The following FBN3 variants were observed in gnomAD, a reference collection of about 807,000 sequenced individuals.
FBN3 encodes fibrillin-3.
In FBN3, 234 loss-of-function variants were observed where a neutral mutation model predicts 330.1. The observed-to-expected ratio is 0.71, with a 90% CI of 0.64 to 0.79. FBN3 has a LOEUF of 0.79. Ranked by LOEUF, FBN3 falls within the 30% of genes least tolerant of loss-of-function variation. The probability of loss-of-function intolerance (pLI) is 0.00; values close to 1 mark genes in which losing one functional copy is unlikely to be tolerated. For synonymous variants in FBN3, 1,458 were observed against 1,517.3 expected (o/e 0.96, Z 0.91); for missense variants, 3,606 against 3,886.9 (o/e 0.93, Z 1.92).
At position 8,073,185 on chromosome 19, in the gene FBN3, G is replaced by C; in HGVS notation, c.7815C>G (p.Leu2605=). 2 of 1,613,978 alleles carry C rather than the reference G, an allele frequency of 1.2e-6. No homozygotes were observed. Among genetic ancestry groups the C allele is most frequent in the Non-Finnish European group, 1.7e-6 (2 of 1,179,982 alleles). ...ACTCATCCACCTCCTGGCAGCCCCC[G>C]AGGGCCTGATCAAAGTCAAAGCCAG... ...CPSGFDFDQA[L]GGCQEVDECA... The change falls in exon 62 of 64, where the codon CTC becomes CTG. Residue 2605 remains leucine, a synonymous_variant. Transcript: ENST00000600128.
At chr19:8,148,055 C>A (rs759605650) in intron 1 of FBN3, among the ~76,000 whole-genome samples, 1 of 151,944 alleles carries the variant, frequency 6.6e-6, no homozygotes, top group Non-Finnish European at 1.5e-5. Flanking sequence ...CTAGCTGGGA[C>A]GGTGGAGCCC....
rs529082101 is a variant in FBN3 at position 8,077,055 on chromosome 19, C to T, written c.7454-1644G>A. On this transcript the variant is annotated intron_variant, in intron 59 of 63. Transcript: ENST00000600128. The stretch of plus-strand genomic sequence containing the variant: ...CTGGGATTACAGGTGCAAACCACTG[C>T]GCCCGGCCCAGTTTTTGGATTTGAA... 5.3e-5 allele frequency among the ~76,000 whole-genome samples: 8 copies of T among 152,208 alleles called. No homozygotes were observed. The South Asian group carries it at 8.3e-4, about 16-fold the overall frequency.
intron 26 of FBN3, 93 bp downstream of exon 26, chr19:8,118,804 C>G: frequency 2.0e-6 from 3 of 1,482,736 alleles, no homozygotes; most frequent in Non-Finnish European, 1.9e-6. Flanking sequence ...CATGCCCACC[C>G]TCTCACTCAT....
At chr19:8,091,361 G>A (rs2082089894) in intron 48 of FBN3, 104 bp downstream of exon 48, 5 of 1,441,742 alleles carry the variant, frequency 3.5e-6, no homozygotes, top group Non-Finnish European at 4.7e-6. Context: ...CCTGGTCAGA[G>A]CTCCCAAAGG....
At chr19:8,089,706 C>T in intron 50 of FBN3, 36 bp from the exon 51 acceptor site, 1 of 1,611,186 alleles carries the variant, frequency 6.2e-7, no homozygotes, top group Non-Finnish European at 8.5e-7. Context: ...TGGCTTCTGT[C>T]ACCACACAAT....
chr19:8,104,323 T>A (rs1412345901), intron 38 of FBN3, among the ~76,000 whole-genome samples: 1 of 150,580 alleles, frequency 6.6e-6, no homozygotes, highest in African/African-American at 2.4e-5. Context: ...AATGAAAATT[T>A]AGCTGGGCAT....
At chr19:8,134,248 A>G (rs2083224982) in intron 13 of FBN3, among the ~76,000 whole-genome samples, 1 of 25,554 alleles carries the variant, frequency 3.9e-5, no homozygotes, top group Non-Finnish European at 7.1e-5. Flanking sequence ...TCTCAAAATA[A>G]ATAAATAAAT....
intron 57 of FBN3, among the ~76,000 whole-genome samples, chr19:8,082,619 G>A (rs10404241): frequency 0.084 from 12,823 of 151,770 alleles, 906 homozygotes; most frequent in African/African-American, 0.19. Flanking sequence ...TCAGCCTCCC[G>A]CGTAGCTGGG....
chr19:8,118,814 T>A, intron 26 of FBN3, 83 bp downstream of exon 26: 2 of 1,527,338 alleles, frequency 1.3e-6, no homozygotes, highest in African/African-American at 1.4e-5. Context: ...CTCTCACTCA[T>A]CCAGCCCACA....
intron 38 of FBN3, among the ~76,000 whole-genome samples, chr19:8,104,653 A>G (rs925821785): frequency 6.6e-6 from 1 of 152,046 alleles, no homozygotes; most frequent in African/African-American, 2.4e-5. Flanking sequence ...GGGGAAAAAA[A>G]TTGATTCTCA....
chr19:8,111,496 G>T (rs987936816), intron 32 of FBN3, 152 bp downstream of exon 32: 4 of 893,080 alleles, frequency 4.5e-6, no homozygotes, highest in Non-Finnish European at 6.7e-6. Flanking sequence ...CCGCAGCACC[G>T]CCTGGGCCGA....
Position 8,119,039 on chromosome 19 carries a change from A to T in FBN3, c.3212-17T>A. ...CGTCCACGTCTGAAGGTTTGTGTGG[A>T]AAGAGAGAGCAGGCATGAAGGTGCT... On this transcript the variant is annotated splice_polypyrimidine_tract_variant and intron_variant, in intron 25 of 63. Coordinates refer to ENST00000600128, the MANE Select transcript of FBN3 (RefSeq NM_032447.5). 1 of 1,587,054 alleles carries T rather than the reference A, an allele frequency of 6.3e-7. No individual in the cohort carries two copies. The highest frequency in any genetic ancestry group is 2.3e-5 in the East Asian group (1 of 44,158).
rs561965645 is a variant in FBN3 at position 8,123,449 on chromosome 19, A to C, written c.3082+15T>G. On this transcript the variant is annotated intron_variant, in intron 24 of 63. Coordinates refer to ENST00000600128, the MANE Select transcript of FBN3 (RefSeq NM_032447.5). ...AAGGATCACGCTCTCTCCAAGAGGC[A>C]GAGGTGGCACCTACCTGTGCAGTTC... 9 of 1,612,556 alleles carry C rather than the reference A, an allele frequency of 5.6e-6. No homozygotes were observed. In the African/African-American group the frequency reaches 1.2e-4, roughly 21 times the overall value.
rs749305990 is a variant in FBN3, at chr19:8,102,767, C to T, written c.5046G>A (p.Gln1682=). Residue 1682 remains glutamine, a synonymous_variant, in exon 40 of 64, where the codon CAG becomes CAA. Transcript: ENST00000600128. ...KMCCCSYNIG[Q]AWNRPCEACP... ...AGGCCTCACAGGGTCTATTCCAGGC[C>T]TGGCCAATGTTGTAGGAGCAGCAAC... The T allele has an allele frequency of 1.2e-6, 2 of 1,614,098 alleles. No individual in the cohort carries two copies. Among genetic ancestry groups the T allele is most frequent in the African/African-American group, 1.3e-5 (1 of 75,032 alleles).
chr19:8,073,340 G>A, intron 61 of FBN3, 43 bp from the exon 62 acceptor site: 1 of 1,534,916 alleles, frequency 6.5e-7, no homozygotes, highest in Middle Eastern at 1.7e-4. Flanking sequence ...GCAGAGGTGG[G>A]GCAGTGCAGC....
chr19:8,101,038 G>A, intron 40 of FBN3, 66 bp from the exon 41 acceptor site: 1 of 1,357,192 alleles, frequency 7.4e-7, no homozygotes, highest in Non-Finnish European at 1.0e-6. Flanking sequence ...TCCCAATCTG[G>A]AGGGGACACC....
In FBN3 at chr19:8,105,556, A is replaced by G. The variant is rs139748654; in HGVS notation, c.4813+552T>C. On this transcript the variant is annotated intron_variant, in intron 38 of 63. Coordinates refer to ENST00000600128, the MANE Select transcript of FBN3 (RefSeq NM_032447.5). ...TACCAGCTTGAGCTGCCACGCACCC[A>G]GCCTTGAATTTCATATAATTTTCAT... 7.8e-3 allele frequency among the ~76,000 whole-genome samples: 1,181 copies of G among 152,272 alleles called. 18 individuals are homozygous for G. Among genetic ancestry groups the G allele is most frequent in the African/African-American group, 0.027 (1,124 of 41,558 alleles).
chr19:8,107,574 T>G (rs1220539058), intron 37 of FBN3, among the ~76,000 whole-genome samples: 2 of 143,812 alleles, frequency 1.4e-5, no homozygotes, highest in African/African-American at 5.3e-5. Context: ...GATGGATGGA[T>G]GGATGGATGG....
intron 34 of FBN3, 70 bp downstream of exon 34, chr19:8,110,775 G>C: frequency 6.3e-7 from 1 of 1,588,464 alleles, no homozygotes; most frequent in Non-Finnish European, 8.6e-7. Context: ...GGGCAGTGAG[G>C]GAGTGAGCCA....
Sources: allele counts gnomAD v4.1 joint callset (sites outside exome capture counted in the v4.1 genomes callset), GRCh38; gene constraint gnomAD v4.1.1; transcripts MANE v1.5; gene names NCBI Gene and HGNC (gene_info 2026-07-23, HGNC 2026-07-21).